Variants in PITPNM3 observed in about 807,000 individuals in gnomAD.
The protein encoded by PITPNM3 is PITPNM family member 3.
Under a neutral mutation model 102.0 loss-of-function variants are expected in PITPNM3, and 26 were observed. The observed-to-expected ratio is 0.25, with a 90% CI of 0.19 to 0.35. PITPNM3 has a LOEUF of 0.35. Among genes scored for constraint, PITPNM3 ranks in the 10% least tolerant of loss-of-function variants. The pLI is 1.00. For missense variants in PITPNM3, 1,083 were observed against 1,346.1 expected, an observed-to-expected ratio of 0.80 and a Z score of 3.06; for synonymous variants, 578 against 558.6, an observed-to-expected ratio of 1.03 and a Z score of -0.49.
At position 6,461,508 on chromosome 17, in the gene PITPNM3, C is replaced by T. The variant is rs146899730; in HGVS notation, c.2355G>A (p.Pro785=). 6.4e-4 allele frequency: 1,028 copies of T among 1,614,224 alleles called. 3 individuals carry two copies. The highest frequency in any genetic ancestry group is 9.9e-4 in the Middle Eastern group (6 of 6,056). ...GYMILYITGR[P]DMQKQRVVSW... is the part of the protein sequence containing the mutation. ...ACACCACCCGCTGCTTCTGCATGTC[C>T]GGCCGTCCCGTGATGTAAAGGATCA... The change falls in exon 18 of 20, where the codon CCG becomes CCA. Residue 785 remains proline (P), a synonymous_variant. Transcript: ENST00000262483.
At chr17:6,490,653 C>G (rs1906402017) in intron 4 of PITPNM3, among the ~76,000 whole-genome samples, 1 of 151,854 alleles carries the variant, frequency 6.6e-6, no homozygotes, top group Admixed American at 6.6e-5. Flanking sequence ...CTTTGAGGAC[C>G]CTTAGAAAAG....
intron 1 of PITPNM3, among the ~76,000 whole-genome samples, chr17:6,554,195 C>G (rs1443340152): frequency 6.6e-6 from 1 of 151,714 alleles, no homozygotes; most frequent in East Asian, 1.9e-4. Context: ...TGGTATGTAT[C>G]TGTAGTCCCA....
chr17:6,455,356 C>T lies in PITPNM3; in HGVS notation c.2907G>A (p.Lys969=), dbSNP rs778768763. ...CCACCCCTCAGGGCACCGACTCGAA[C>T]TTGGGGGGCCCACGCGCCCAGCTGA... is the stretch of plus-strand genomic sequence containing the variant. The part of the protein sequence containing the change: ...PALSWARGPP[K]FESVP Residue 969 remains lysine (K), a synonymous_variant, in exon 20 of 20, where the codon AAG becomes AAA. Coordinates refer to ENST00000262483, the MANE Select transcript of PITPNM3 (RefSeq NM_031220.4). 1.1e-5 allele frequency: 18 copies of T among 1,582,430 alleles called. No homozygotes were observed. The East Asian group carries it at 4.1e-4, about 36-fold the overall frequency.
rs1458039635 is a variant in PITPNM3, at chr17:6,452,952, C to T, written c.*2386G>A. 2 of 150,282 alleles carry T rather than the reference C, an allele frequency of 1.3e-5. No individual in the cohort carries two copies. The highest frequency in any genetic ancestry group is 1.5e-5 in the Non-Finnish European group (1 of 67,962). The allele number at this position is 150,282 out of a possible 1,614,324, so 9.3% of individuals were successfully genotyped here. A position where few individuals can be genotyped will look rare whatever the true frequency, so the allele number is the denominator to read the frequency against. The stretch of plus-strand genomic sequence containing the variant: ...GGATCCTGGCTCATGAGCTCTCTCT[C>T]TCTCTTCCTCTCTCTCTCTCTCTTC... On this transcript the variant is annotated 3_prime_UTR_variant, in exon 20 of 20. Transcript: ENST00000262483.
chr17:6,501,610 A>G (rs1907180669), intron 4 of PITPNM3, among the ~76,000 whole-genome samples: 1 of 151,746 alleles, frequency 6.6e-6, no homozygotes, highest in Admixed American at 6.6e-5. Context: ...CAGAGAAAAA[A>G]CCAACAAGGG....
At chr17:6,542,871 C>G (rs1289264125) in intron 1 of PITPNM3, among the ~76,000 whole-genome samples, 1 of 152,184 alleles carries the variant, frequency 6.6e-6, no homozygotes, top group Non-Finnish European at 1.5e-5. Context: ...TCCACCTTCA[C>G]TACCACATTT....
intron 1 of PITPNM3, among the ~76,000 whole-genome samples, chr17:6,555,279 T>G (rs921143274): frequency 6.6e-6 from 1 of 152,146 alleles, no homozygotes; most frequent in Non-Finnish European, 1.5e-5. Flanking sequence ...TCTTACAGGC[T>G]CAGTGCCTGC....
chr17:6,547,457 G>A (rs1323099342), intron 1 of PITPNM3, among the ~76,000 whole-genome samples: 4 of 152,050 alleles, frequency 2.6e-5, no homozygotes, highest in Non-Finnish European at 4.4e-5. Context: ...CCTATGTCCC[G>A]CCAGACTCTT....
chr17:6,475,413 G>C (rs1202266926), intron 9 of PITPNM3, among the ~76,000 whole-genome samples: 1 of 152,204 alleles, frequency 6.6e-6, no homozygotes, highest in African/African-American at 2.4e-5. Flanking sequence ...GCAGCTTAGA[G>C]TGAATCGATT....
chr17:6,501,859 C>A (rs1278331248), intron 4 of PITPNM3, among the ~76,000 whole-genome samples: 1 of 152,216 alleles, frequency 6.6e-6, no homozygotes, highest in Non-Finnish European at 1.5e-5. Context: ...TGGAATGGCC[C>A]CATCTCTCAA....
chr17:6,478,801 G>A lies in PITPNM3; in HGVS notation c.588-65C>T. 1 of 1,471,936 alleles carries A rather than the reference G, an allele frequency of 6.8e-7. No individual in the cohort carries two copies. Among genetic ancestry groups the A allele is most frequent in the South Asian group, 1.3e-5 (1 of 77,124 alleles). 91.2% of individuals were successfully genotyped at this position (1,471,936 alleles called of 1,614,324 possible). On this transcript the variant is annotated intron_variant, in intron 6 of 19. Coordinates refer to ENST00000262483, the MANE Select transcript of PITPNM3 (RefSeq NM_031220.4). This position sits in a 1 kb window ranked among gnomAD's most constrained non-coding sequence, Gnocchi z 4.4. ...GGCAGGTTGGCAGGTTTGGGGCTGA[G>A]GATCAGGCAGAAGAGAGCACATACT...
In PITPNM3 at chr17:6,528,230, G is replaced by A. The variant is rs144379887; in HGVS notation, c.119-2767C>T. Among the ~76,000 whole-genome samples the A allele has an allele frequency of 5.2e-3, 785 of 152,216 alleles. 5 individuals are homozygous for A. Among genetic ancestry groups the A allele is most frequent in the African/African-American group, 0.018 (737 of 41,532 alleles). On this transcript the variant is annotated intron_variant, in intron 2 of 19. Transcript: ENST00000262483. Reference sequence around the variant, plus strand: ...CCGTATCTCTCTCTGGGTGGAACACGTATGCATTGCCTTGCTCTCTTCTCA... The same window carrying A: ...CCGTATCTCTCTCTGGGTGGAACACATATGCATTGCCTTGCTCTCTTCTCA...
At chr17:6,482,520 G>A (rs376217908) in intron 6 of PITPNM3, among the ~76,000 whole-genome samples, 2 of 152,072 alleles carry the variant, frequency 1.3e-5, no homozygotes, top group African/African-American at 4.8e-5. Context: ...TCTGTGAGCC[G>A]ATCTAGCAAT....
chr17:6,529,934 T>C (rs1011712500), intron 2 of PITPNM3, among the ~76,000 whole-genome samples: 1 of 152,072 alleles, frequency 6.6e-6, no homozygotes, highest in Non-Finnish European at 1.5e-5. Context: ...CCTCCCCCAA[T>C]GGGGGAAAAG....
chr17:6,528,865 A>G (rs1908989766), intron 2 of PITPNM3, among the ~76,000 whole-genome samples: 1 of 152,182 alleles, frequency 6.6e-6, no homozygotes, highest in Non-Finnish European at 1.5e-5. Flanking sequence ...TTTTGGAGCC[A>G]TTCAGGCAAA....
At chr17:6,462,605 G>A (rs1904521838) in intron 17 of PITPNM3, among the ~76,000 whole-genome samples, 1 of 152,192 alleles carries the variant, frequency 6.6e-6, no homozygotes, top group Non-Finnish European at 1.5e-5. Context: ...CAGTGGGATA[G>A]CTCTGGTTGG....
intron 2 of PITPNM3, among the ~76,000 whole-genome samples, chr17:6,535,680 A>G (rs1342144982): frequency 6.6e-6 from 1 of 152,130 alleles, no homozygotes; most frequent in Non-Finnish European, 1.5e-5. Flanking sequence ...GCACTTTGGG[A>G]GGCCAAGGCA....
At chr17:6,462,574 T>C (rs1904520480) in intron 17 of PITPNM3, among the ~76,000 whole-genome samples, 1 of 152,178 alleles carries the variant, frequency 6.6e-6, no homozygotes, top group Non-Finnish European at 1.5e-5. Context: ...ATCAGCCTCT[T>C]TCCTCTGTGC....
intron 4 of PITPNM3, among the ~76,000 whole-genome samples, chr17:6,486,120 A>G (rs1228221927): frequency 6.6e-6 from 1 of 152,036 alleles, no homozygotes; most frequent in African/African-American, 2.4e-5. Flanking sequence ...CCCAAATGAT[A>G]CCTGCACTCT....
Sources: allele counts gnomAD v4.1 joint callset (sites outside exome capture counted in the v4.1 genomes callset), GRCh38; gene constraint gnomAD v4.1.1; non-coding constraint Gnocchi (gnomAD v3.1); transcripts MANE v1.5; gene names NCBI Gene and HGNC (gene_info 2026-07-23, HGNC 2026-07-21).